The following CSMD3 variants were observed in gnomAD, a reference collection of about 807,000 sequenced individuals.
The protein encoded by CSMD3 is CUB and sushi domain-containing protein 3.
A neutral mutation model predicts 435.2 loss-of-function variants in CSMD3; 177 were observed. The observed-to-expected ratio is 0.41, with a 90% CI of 0.36 to 0.46. The LOEUF (loss-of-function observed/expected upper bound fraction) is 0.46. CSMD3 is among the 20% of genes least tolerant of loss of function. CSMD3 has a pLI of 0.34. For synonymous variants in CSMD3, 1,656 were observed against 1,520.5 expected (o/e 1.09, Z -2.07); for missense variants, 4,265 against 4,504.6 (o/e 0.95, Z 1.52).
At chr8:112,832,182 A>T (rs2079895274) in intron 11 of CSMD3, among the ~76,000 whole-genome samples, 1 of 152,222 alleles carries the variant, frequency 6.6e-6, no homozygotes, top group African/African-American at 2.4e-5. Context: ...TGACTTTTAC[A>T]GAAACTGCAA....
chr8:112,891,988 T>A (rs1009318722), intron 10 of CSMD3, among the ~76,000 whole-genome samples: 15 of 151,564 alleles, frequency 9.9e-5, no homozygotes, highest in Admixed American at 9.9e-4. Context: ...ACTACAAAAG[T>A]CTTATGATCT....
intron 12 of CSMD3, among the ~76,000 whole-genome samples, chr8:112,809,349 T>C (rs1166354945): frequency 1.1e-4 from 17 of 152,120 alleles, no homozygotes; most frequent in Non-Finnish European, 2.1e-4. Flanking sequence ...ATGATCCACA[T>C]GGCTAGCAAA....
intron 50 of CSMD3, 102 bp downstream of exon 50, chr8:112,310,876 G>A (rs371163145): frequency 7.6e-5 from 72 of 953,568 alleles, no homozygotes; most frequent in South Asian, 2.6e-4. Flanking sequence ...ATATGCTTCC[G>A]AATATTTCCA....
chr8:112,690,684 T>A (rs1430079459), intron 13 of CSMD3, among the ~76,000 whole-genome samples: 1 of 150,614 alleles, frequency 6.6e-6, no homozygotes, highest in Non-Finnish European at 1.5e-5. Flanking sequence ...GTTTCTTGGA[T>A]GAGTGGAAAG....
At chr8:113,393,880 GTATC>G (rs1282250418) in intron 1 of CSMD3, among the ~76,000 whole-genome samples, 1 of 151,378 alleles carries the variant, frequency 6.6e-6, no homozygotes, top group Non-Finnish European at 1.5e-5. Context: ...CTTTTTCTCT[GTATC>G]TATGTGAAAA....
intron 30 of CSMD3, among the ~76,000 whole-genome samples, chr8:112,502,917 C>A (rs1338392841): frequency 1.3e-5 from 2 of 152,024 alleles, no homozygotes; most frequent in Non-Finnish European, 2.9e-5. Context: ...TTTTACACAA[C>A]CTAAATCTAA....
At chr8:113,278,799 CAG>C in intron 2 of CSMD3, 95 bp from the exon 3 acceptor site, 4 of 690,450 alleles carry the variant, frequency 5.8e-6, no homozygotes, top group South Asian at 4.5e-5. Flanking sequence ...AATAATAAAA[CAG>C]ATTTTCTCCT....
At chr8:112,993,774 A>G (rs1385337006) in intron 6 of CSMD3, among the ~76,000 whole-genome samples, 1 of 151,716 alleles carries the variant, frequency 6.6e-6, no homozygotes, top group African/African-American at 2.4e-5. Flanking sequence ...AGGCCCTAAA[A>G]CACAAAAAGG....
chr8:112,984,667 T>G lies in CSMD3; in HGVS notation c.1031-8519A>C, dbSNP rs118138665. 2.3e-4 allele frequency among the ~76,000 whole-genome samples: 35 copies of G among 152,198 alleles called. No homozygotes were observed. The East Asian group carries it at 5.6e-3, about 24-fold the overall frequency. On this transcript the variant is annotated intron_variant, in intron 6 of 70. Transcript: ENST00000297405. ...TCCATCAAATTTAGAACAGAATATATTTGGAAAGACAGAAATAAAATGGGT... is the reference window on the plus strand; with the variant it reads ...TCCATCAAATTTAGAACAGAATATAGTTGGAAAGACAGAAATAAAATGGGT...
At chr8:112,333,463 G>A (rs1824266966) in intron 45 of CSMD3, among the ~76,000 whole-genome samples, 1 of 152,110 alleles carries the variant, frequency 6.6e-6, no homozygotes, top group Non-Finnish European at 1.5e-5. Flanking sequence ...CACTGCGCCT[G>A]GCCTTGATCT....
chr8:113,287,183 C>T (rs147749644), intron 2 of CSMD3, among the ~76,000 whole-genome samples: 23 of 152,006 alleles, frequency 1.5e-4, no homozygotes, highest in Admixed American at 1.3e-3. Context: ...TTATATAATA[C>T]GACCAGCATA....
intron 1 of CSMD3, among the ~76,000 whole-genome samples, chr8:113,363,889 CA>C (rs1481995438): frequency 6.6e-6 from 1 of 152,010 alleles, no homozygotes; most frequent in Non-Finnish European, 1.5e-5. Flanking sequence ...TCTAACTTAT[CA>C]ATTATTGAAT....
chr8:113,172,836 C>G (rs1292444929), intron 4 of CSMD3, among the ~76,000 whole-genome samples: 1 of 152,134 alleles, frequency 6.6e-6, no homozygotes, highest in African/African-American at 2.4e-5. Context: ...AAAAAAGAAG[C>G]CCAGAGGAAA....
intron 22 of CSMD3, among the ~76,000 whole-genome samples, chr8:112,612,582 T>G (rs552137096): frequency 6.6e-6 from 1 of 152,204 alleles, no homozygotes; most frequent in South Asian, 2.1e-4. Context: ...AGATAAGCTG[T>G]GATCAGAGTT....
chr8:113,098,506 T>C (rs571232944), intron 5 of CSMD3: 3 of 473,442 alleles, frequency 6.3e-6, no homozygotes, highest in East Asian at 4.0e-5. Context: ...ACTGGCATGC[T>C]AAAAAACACA....
intron 10 of CSMD3, among the ~76,000 whole-genome samples, chr8:112,908,969 T>C (rs1483109809): frequency 6.6e-6 from 1 of 151,616 alleles, no homozygotes; most frequent in African/African-American, 2.4e-5. Flanking sequence ...GTCATTTCTA[T>C]AGTCTTAATG....
At chr8:113,132,253 G>A (rs1454084156) in intron 4 of CSMD3, among the ~76,000 whole-genome samples, 5 of 152,088 alleles carry the variant, frequency 3.3e-5, no homozygotes, top group African/African-American at 1.2e-4. Flanking sequence ...TTGGTCAGGG[G>A]GTACTGTTGA....
intron 13 of CSMD3, among the ~76,000 whole-genome samples, chr8:112,738,211 T>TG (rs2077227867): frequency 6.6e-6 from 1 of 151,690 alleles, no homozygotes; most frequent in South Asian, 2.1e-4. Context: ...ATCAAAGAAA[T>TG]TTTTAAATGC....
intron 4 of CSMD3, among the ~76,000 whole-genome samples, chr8:113,111,778 T>C (rs978596489): frequency 4.6e-5 from 7 of 152,122 alleles, no homozygotes; most frequent in African/African-American, 1.7e-4. Flanking sequence ...GCTTCCGAGT[T>C]CAAGTGATTC....
Sources: gnomAD v4.1 joint callset for allele counts (sites outside exome capture counted in the v4.1 genomes callset) on GRCh38, gnomAD v4.1.1 for gene constraint, MANE v1.5 for transcripts, NCBI Gene and HGNC (gene_info 2026-07-23, HGNC 2026-07-21) for gene names.